The following DPP10 variants were observed in gnomAD, a reference collection of about 807,000 sequenced individuals.
DPP10 encodes the protein inactive dipeptidyl peptidase 10.
A neutral mutation model predicts 120.9 loss-of-function variants in DPP10; 33 were observed. The ratio of observed to expected loss-of-function variants is 0.27; its 90% CI spans 0.21 to 0.37. The LOEUF (loss-of-function observed/expected upper bound fraction) is 0.37, where lower values mean the gene tolerates loss of function less well. Ranked by LOEUF, DPP10 falls within the 10% of genes least tolerant of loss-of-function variation. DPP10 has a pLI of 1.00. For missense variants in DPP10, 816 were observed against 942.8 expected (o/e 0.87, Z 1.76); for synonymous variants, 337 against 326.1 (o/e 1.03, Z -0.36).
chr2:115,455,964 A>T (rs1438954540), intron 3 of DPP10, among the ~76,000 whole-genome samples: 1 of 152,208 alleles, frequency 6.6e-6, no homozygotes, highest in Non-Finnish European at 1.5e-5. Flanking sequence ...ACAATTGACA[A>T]ATGGGATCTA....
At chr2:114,879,494 C>A (rs1207822390) in intron 1 of DPP10, among the ~76,000 whole-genome samples, 2 of 152,100 alleles carry the variant, frequency 1.3e-5, no homozygotes, top group Non-Finnish European at 2.9e-5. Flanking sequence ...AAATTAATAT[C>A]TTTAAATTTG....
intron 5 of DPP10, among the ~76,000 whole-genome samples, chr2:115,677,238 CA>C (rs754122999): frequency 1.2e-4 from 19 of 152,042 alleles, no homozygotes; most frequent in Non-Finnish European, 1.9e-4. Context: ...ATTATAAAAA[CA>C]TATAAAAATG....
chr2:115,792,939 G>A (rs1368741647), intron 19 of DPP10, among the ~76,000 whole-genome samples: 1 of 152,210 alleles, frequency 6.6e-6, no homozygotes, highest in South Asian at 2.1e-4. Context: ...CGAATGTGTA[G>A]ATAATTATGC....
At chr2:114,739,484 C>A (rs934678848) in intron 1 of DPP10, among the ~76,000 whole-genome samples, 1 of 152,020 alleles carries the variant, frequency 6.6e-6, no homozygotes, top group Non-Finnish European at 1.5e-5. Context: ...CATAGCAAAA[C>A]CCCATCTCTA....
intron 2 of DPP10, among the ~76,000 whole-genome samples, chr2:115,314,268 A>G (rs1319963351): frequency 6.6e-6 from 1 of 152,218 alleles, no homozygotes; most frequent in Non-Finnish European, 1.5e-5. Context: ...GTTCTTCAGC[A>G]ACAATGGCCT....
chr2:115,740,853 G>C (rs1426397682), intron 9 of DPP10, among the ~76,000 whole-genome samples: 1 of 152,102 alleles, frequency 6.6e-6, no homozygotes, highest in African/African-American at 2.4e-5. Context: ...TGGGAAACGT[G>C]TAAAATTTCT....
chr2:115,689,288 T>C (rs1402149479), intron 5 of DPP10, among the ~76,000 whole-genome samples: 2 of 152,126 alleles, frequency 1.3e-5, no homozygotes, highest in East Asian at 1.9e-4. Context: ...GGAGAATCCA[T>C]CTAATTTGAA....
At chr2:114,789,912 T>C (rs768479736) in intron 1 of DPP10, among the ~76,000 whole-genome samples, 8 of 152,248 alleles carry the variant, frequency 5.3e-5, no homozygotes, top group Non-Finnish European at 8.8e-5. Context: ...GTTCTTGACA[T>C]TATGAAATAA....
chr2:114,897,057 G>A (rs2106634176), intron 1 of DPP10, among the ~76,000 whole-genome samples: 1 of 152,190 alleles, frequency 6.6e-6, no homozygotes, highest in African/African-American at 2.4e-5. Context: ...TGCATATATT[G>A]AACCAGCCTT....
chr2:115,652,430 T>C (rs2087877298), intron 5 of DPP10, among the ~76,000 whole-genome samples: 1 of 151,656 alleles, frequency 6.6e-6, no homozygotes, highest in Non-Finnish European at 1.5e-5. Context: ...TGTGTGTGTG[T>C]GTGTGTGTGT....
intron 5 of DPP10, among the ~76,000 whole-genome samples, chr2:115,621,537 G>T (rs2084942247): frequency 6.6e-6 from 1 of 152,016 alleles, no homozygotes; most frequent in South Asian, 2.1e-4. Context: ...ACACTTAAGG[G>T]ATATTTTTTA....
intron 1 of DPP10, among the ~76,000 whole-genome samples, chr2:114,849,940 CTCCTT>C (rs536762210): frequency 2.0e-4 from 31 of 151,540 alleles, no homozygotes; most frequent in Admixed American, 4.6e-4. Context: ...TTTCTGTTCT[CTCCTT>C]TCCTTTCCTT....
At chr2:114,952,639 A>G (rs1697880648) in intron 1 of DPP10, among the ~76,000 whole-genome samples, 1 of 152,236 alleles carries the variant, frequency 6.6e-6, no homozygotes, top group Admixed American at 6.5e-5. Flanking sequence ...CCATATTTTT[A>G]GCAGTATTAA....
intron 1 of DPP10, among the ~76,000 whole-genome samples, chr2:114,591,994 A>G (rs1297083714): frequency 6.6e-6 from 1 of 151,206 alleles, no homozygotes; most frequent in Non-Finnish European, 1.5e-5. Context: ...CTTGAAACAT[A>G]CTACCCTCAA....
chr2:114,881,498 C>CTCTT (rs1558838843), intron 1 of DPP10, among the ~76,000 whole-genome samples: 3 of 149,004 alleles, frequency 2.0e-5, no homozygotes, highest in Admixed American at 6.7e-5. Context: ...TATCATATCT[C>CTCTT]TCTGTCTGTC....
chr2:114,614,796 C>G (rs933166502), intron 1 of DPP10, among the ~76,000 whole-genome samples: 1 of 152,156 alleles, frequency 6.6e-6, no homozygotes, highest in Non-Finnish European at 1.5e-5. Flanking sequence ...ATTTCTCCCA[C>G]TAGAGTGTAT....
intron 1 of DPP10, among the ~76,000 whole-genome samples, chr2:115,062,035 GTTT>G (rs768929300): frequency 1.5e-4 from 22 of 145,502 alleles, no homozygotes; most frequent in Non-Finnish European, 3.2e-4. Flanking sequence ...CATATAATTT[GTTT>G]TTATTTTAAT....
chr2:114,634,900 T>A (rs1695199518), intron 1 of DPP10, among the ~76,000 whole-genome samples: 1 of 151,800 alleles, frequency 6.6e-6, no homozygotes, highest in Non-Finnish European at 1.5e-5. Context: ...TTTCTAAGAG[T>A]TGATGAACTT....
intron 5 of DPP10, among the ~76,000 whole-genome samples, chr2:115,643,165 C>A (rs2086926597): frequency 6.6e-6 from 1 of 151,894 alleles, no homozygotes; most frequent in Admixed American, 6.6e-5. Flanking sequence ...GCAACTGTGA[C>A]AGCATTAATA....
Sources: gnomAD v4.1 joint callset for allele counts (sites outside exome capture counted in the v4.1 genomes callset) on GRCh38, gnomAD v4.1.1 for gene constraint, MANE v1.5 for transcripts, NCBI Gene and HGNC (gene_info 2026-07-23, HGNC 2026-07-21) for gene names.